TRAK1: variants seen among roughly 807,000 people sequenced by gnomAD.
TRAK1 encodes trafficking kinesin protein 1.
Under a neutral mutation model 92.1 loss-of-function variants are expected in TRAK1, and 33 were observed. The observed-to-expected ratio is 0.36, with a 90% CI of 0.27 to 0.48. The LOEUF (loss-of-function observed/expected upper bound fraction) is 0.48, where lower values mean the gene tolerates loss of function less well. Among genes scored for constraint, TRAK1 ranks in the 20% least tolerant of loss-of-function variants. TRAK1 has a pLI of 0.99. For synonymous variants in TRAK1, 521 were observed against 517.3 expected (o/e 1.01, Z -0.10); for missense variants, 1,123 against 1,257.9 (o/e 0.89, Z 1.62).
chr3:42,215,111 C>T (rs763282213), intron 14 of TRAK1, among the ~76,000 whole-genome samples: 5 of 152,176 alleles, frequency 3.3e-5, no homozygotes, highest in Non-Finnish European at 7.3e-5. Flanking sequence ...CCCACGTGAA[C>T]TCATCATAGA....
At position 42,202,595 on chromosome 3, in the gene TRAK1, G is replaced by A. The variant is rs755168258; in HGVS notation, c.1587G>A (p.Glu529=). 6.3e-7 allele frequency: 1 copy of A among 1,591,820 alleles called. No individual in the cohort carries two copies. The highest frequency in any genetic ancestry group is 1.3e-5 in the African/African-American group (1 of 74,450). Residue 529 remains glutamate (E), a synonymous_variant, in exon 13 of 16, where the codon GAG becomes GAA. Coordinates refer to ENST00000327628, the MANE Select transcript of TRAK1 (RefSeq NM_001042646.3). This position sits in a 1 kb window ranked among gnomAD's most constrained non-coding sequence, Gnocchi z 6.1. ...AGAGGAAGCTCCAGGAGCTGGCGGA[G>A]AAGGGCGAGCTGCGCAGCGGCTCCC... ...EQERKLQELA[E]KGELRSGSLT...
chr3:42,026,961 T>G (rs1207360140), intron 1 of TRAK1, among the ~76,000 whole-genome samples: 1 of 152,204 alleles, frequency 6.6e-6, no homozygotes, highest in Admixed American at 6.5e-5. Flanking sequence ...TCTGGTAGAC[T>G]GACTTTCTAC....
chr3:42,138,777 A>G (rs1698274033), intron 2 of TRAK1, among the ~76,000 whole-genome samples: 1 of 151,920 alleles, frequency 6.6e-6, no homozygotes, highest in Non-Finnish European at 1.5e-5. Flanking sequence ...ACCTATATAA[A>G]TTAAATGAAT....
intron 1 of TRAK1, among the ~76,000 whole-genome samples, chr3:42,042,493 T>C (rs1702586823): frequency 6.6e-6 from 1 of 152,068 alleles, no homozygotes; most frequent in African/African-American, 2.4e-5. Context: ...TGCCTTAGCC[T>C]CCAGAGTAGC....
At chr3:42,034,626 G>T (rs2148895504) in intron 1 of TRAK1, among the ~76,000 whole-genome samples, 1 of 152,248 alleles carries the variant, frequency 6.6e-6, no homozygotes, top group African/African-American at 2.4e-5. Flanking sequence ...TCTGCCTTTT[G>T]CCATGATTAC....
intron 2 of TRAK1, chr3:42,160,167 C>T: frequency 7.6e-7 from 1 of 1,319,176 alleles, no homozygotes; most frequent in Non-Finnish European, 9.7e-7. Flanking sequence ...CGGGTCCTGC[C>T]CGGGTGATGC....
At chr3:42,057,588 T>C (rs1237331882) in intron 1 of TRAK1, among the ~76,000 whole-genome samples, 2 of 152,102 alleles carry the variant, frequency 1.3e-5, no homozygotes, top group Non-Finnish European at 2.9e-5. Flanking sequence ...TCAGAACAAG[T>C]GGGCTGCAGT....
At chr3:42,058,910 G>A (rs1703311521) in intron 1 of TRAK1, among the ~76,000 whole-genome samples, 1 of 152,166 alleles carries the variant, frequency 6.6e-6, no homozygotes, top group Non-Finnish European at 1.5e-5. Context: ...GTGAAAAAAT[G>A]TGTATCTTAA....
At position 42,193,064 on chromosome 3, in the gene TRAK1, C is replaced by CT. The variant is rs1425956692; in HGVS notation, c.770-8dup. 6.2e-7 allele frequency: 1 copy of CT among 1,613,180 alleles called. No homozygotes were observed. Among genetic ancestry groups the CT allele is most frequent in the Non-Finnish European group, 8.5e-7 (1 of 1,179,732 alleles). ...TGACTTCCTCTCCTGATTGTTGCTT[C>CT]TTTGTCAAAGGGGATGCCAATGTCC... On this transcript the variant is annotated splice_polypyrimidine_tract_variant and intron_variant, in intron 7 of 15. Transcript: ENST00000327628.
At chr3:42,014,361 A>G (rs755146713) in intron 1 of TRAK1, among the ~76,000 whole-genome samples, 34 of 151,882 alleles carry the variant, frequency 2.2e-4, no homozygotes, top group Non-Finnish European at 2.8e-4. Flanking sequence ...GCGCTCCGGC[A>G]CTCCGAGGTG....
At chr3:42,142,145 A>G (rs1048747519) in intron 2 of TRAK1, among the ~76,000 whole-genome samples, 6 of 152,078 alleles carry the variant, frequency 3.9e-5, no homozygotes, top group Admixed American at 2.6e-4. Flanking sequence ...AAACAAAACA[A>G]AACAAAAAAA....
intron 11 of TRAK1, 107 bp downstream of exon 11, chr3:42,199,360 C>A: frequency 9.4e-7 from 1 of 1,063,188 alleles, no homozygotes. Flanking sequence ...CAGTGATTGA[C>A]TATTGTCCTT....
At chr3:42,182,299 CTTTTT>C (rs57384116) in intron 3 of TRAK1, among the ~76,000 whole-genome samples, 10 of 144,290 alleles carry the variant, frequency 6.9e-5, no homozygotes, top group Non-Finnish European at 1.2e-4. Flanking sequence ...GCAACTCTCT[CTTTTT>C]TTTTTTTTTT....
intron 1 of TRAK1, among the ~76,000 whole-genome samples, chr3:42,052,143 A>C (rs1234832358): frequency 1.3e-5 from 2 of 152,246 alleles, no homozygotes; most frequent in African/African-American, 4.8e-5. Context: ...CGGGTCTCTA[A>C]GGGACATGGC....
chr3:42,100,286 G>C (rs997145036), intron 1 of TRAK1, among the ~76,000 whole-genome samples: 3 of 152,214 alleles, frequency 2.0e-5, no homozygotes, highest in African/African-American at 7.2e-5. Flanking sequence ...AGGATCACTT[G>C]AGCCCAGGGT....
upstream of TRAK1, among the ~76,000 whole-genome samples, chr3:42,086,560 G>A (rs144593048): frequency 6.6e-6 from 1 of 151,760 alleles, no homozygotes; most frequent in Non-Finnish European, 1.5e-5. Flanking sequence ...CAAATGAGCC[G>A]CCCACCTCGG....
chr3:42,036,380 A>G (rs1485264420), intron 1 of TRAK1, among the ~76,000 whole-genome samples: 3 of 152,182 alleles, frequency 2.0e-5, no homozygotes, highest in Non-Finnish European at 4.4e-5. Flanking sequence ...GAACTTTTCA[A>G]TCTTCACTTA....
chr3:42,105,632 A>G (rs1707431293), intron 1 of TRAK1, among the ~76,000 whole-genome samples: 2 of 152,204 alleles, frequency 1.3e-5, no homozygotes, highest in Admixed American at 1.3e-4. Flanking sequence ...CAACCTAGCG[A>G]GGCAGGCCAA....
chr3:42,054,099 T>A (rs1397140966), intron 1 of TRAK1, among the ~76,000 whole-genome samples: 2 of 152,196 alleles, frequency 1.3e-5, no homozygotes, highest in African/African-American at 4.8e-5. Context: ...GACCTGTCCT[T>A]ATAAAGCAAG....
Sources: gnomAD v4.1 joint callset for allele counts (sites outside exome capture counted in the v4.1 genomes callset) on GRCh38, gnomAD v4.1.1 for gene constraint, Gnocchi (gnomAD v3.1) non-coding constraint, MANE v1.5 for transcripts, NCBI Gene and HGNC (gene_info 2026-07-23, HGNC 2026-07-21) for gene names.